DSCAM: variants seen among roughly 807,000 people sequenced by gnomAD.
DSCAM encodes DS cell adhesion molecule.
Under a neutral mutation model 217.7 loss-of-function variants are expected in DSCAM, and 47 were observed. The ratio of observed to expected loss-of-function variants is 0.22; its 90% CI spans 0.17 to 0.28. The LOEUF (loss-of-function observed/expected upper bound fraction) is 0.28. Ranked by LOEUF, DSCAM falls within the 10% of genes least tolerant of loss-of-function variation. The pLI is 1.00. For synonymous variants in DSCAM, 1,056 were observed against 1,015.3 expected (o/e 1.04, Z -0.76); for missense variants, 2,080 against 2,618.3 (o/e 0.79, Z 4.49).
At chr21:40,606,912 G>A (rs576665986) in intron 3 of DSCAM, among the ~76,000 whole-genome samples, 4 of 152,264 alleles carry the variant, frequency 2.6e-5, no homozygotes, top group South Asian at 2.1e-4. Flanking sequence ...GTTTTATAAA[G>A]GGCGAGTTTC....
chr21:40,278,263 A>G (rs2073715076), intron 10 of DSCAM, among the ~76,000 whole-genome samples: 1 of 152,242 alleles, frequency 6.6e-6, no homozygotes, highest in African/African-American at 2.4e-5. Context: ...CATGTTCATG[A>G]ATAAAAATGC....
chr21:40,179,219 A>G (rs577454948), intron 14 of DSCAM, 125 bp from the exon 15 acceptor site: 1 of 1,023,188 alleles, frequency 9.8e-7, no homozygotes, highest in Non-Finnish European at 1.4e-6. Context: ...AGACGGAAAG[A>G]AAGAAAAATT....
At chr21:40,066,326 C>T (rs540198887) in intron 27 of DSCAM, among the ~76,000 whole-genome samples, 43 of 152,324 alleles carry the variant, frequency 2.8e-4, no homozygotes, top group African/African-American at 1.0e-3. Flanking sequence ...GTAATTTTAA[C>T]CTGAAGTCAT....
chr21:40,614,236 G>A (rs565662079), intron 3 of DSCAM, among the ~76,000 whole-genome samples: 2 of 152,190 alleles, frequency 1.3e-5, no homozygotes, highest in Non-Finnish European at 2.9e-5. Context: ...ACCACCCTAA[G>A]GGTTTTTTAG....
chr21:40,504,118 A>C (rs146289775), intron 3 of DSCAM, among the ~76,000 whole-genome samples: 124 of 152,302 alleles, frequency 8.1e-4, no homozygotes, highest in African/African-American at 2.8e-3. Context: ...CAGCTCTAGA[A>C]ATGAACAGTC....
intron 3 of DSCAM, among the ~76,000 whole-genome samples, chr21:40,575,215 C>G (rs1230867644): frequency 6.6e-6 from 1 of 151,324 alleles, no homozygotes; most frequent in Non-Finnish European, 1.5e-5. Flanking sequence ...CTGTGACCCC[C>G]ACTCCGGCCC....
chr21:40,787,523 A>T (rs2091604834), intron 1 of DSCAM, among the ~76,000 whole-genome samples: 2 of 152,182 alleles, frequency 1.3e-5, no homozygotes, highest in Admixed American at 6.5e-5. Context: ...GTTATCTTGC[A>T]TTGTTTACAA....
intron 20 of DSCAM, among the ~76,000 whole-genome samples, chr21:40,108,763 C>T (rs1156804168): frequency 6.6e-6 from 1 of 152,158 alleles, no homozygotes; most frequent in African/African-American, 2.4e-5. Flanking sequence ...TACAGGGCTA[C>T]AGTAACCAAA....
At chr21:40,545,665 G>A (rs1272714978) in intron 3 of DSCAM, among the ~76,000 whole-genome samples, 1 of 152,112 alleles carries the variant, frequency 6.6e-6, no homozygotes, top group African/African-American at 2.4e-5. Context: ...AATTGTGTGA[G>A]ATGATGTGTG....
At chr21:40,168,126 C>T (rs1476384509) in intron 15 of DSCAM, among the ~76,000 whole-genome samples, 1 of 152,106 alleles carries the variant, frequency 6.6e-6, no homozygotes, top group East Asian at 1.9e-4. Flanking sequence ...CCACAGAGTG[C>T]TGAAGCAATG....
intron 11 of DSCAM, among the ~76,000 whole-genome samples, chr21:40,241,273 A>G (rs149688720): frequency 5.4e-4 from 83 of 152,362 alleles, no homozygotes; most frequent in African/African-American, 1.9e-3. Flanking sequence ...ATCTATAGGA[A>G]TGTAAACAAA....
In DSCAM at chr21:40,032,987, G is replaced by C. The variant is rs532616192; in HGVS notation, c.5686+9384C>G. On this transcript the variant is annotated intron_variant, in intron 32 of 32. Transcript: ENST00000400454. Reference sequence around the variant, plus strand: ...AGCATTGCAGAGGAGGAGGAAGAAGGCTACCCCAAACTGCTTTGGAATATC... The same window carrying C: ...AGCATTGCAGAGGAGGAGGAAGAAGCCTACCCCAAACTGCTTTGGAATATC... 3.9e-5 allele frequency among the ~76,000 whole-genome samples: 6 copies of C among 152,274 alleles called. No homozygotes were observed. The South Asian group carries it at 1.2e-3, about 32-fold the overall frequency.
intron 3 of DSCAM, among the ~76,000 whole-genome samples, chr21:40,489,832 A>G (rs1383504830): frequency 2.6e-5 from 4 of 151,568 alleles, no homozygotes; most frequent in African/African-American, 7.3e-5. Flanking sequence ...TCTCCAGAGA[A>G]CCCTAAGACA....
At chr21:40,800,637 T>C (rs1459405967) in intron 1 of DSCAM, among the ~76,000 whole-genome samples, 3 of 152,290 alleles carry the variant, frequency 2.0e-5, no homozygotes, top group South Asian at 2.1e-4. Flanking sequence ...GCCCAAGGGC[T>C]TTATGGAAGG....
At chr21:40,804,567 G>A (rs112398389) in intron 1 of DSCAM, among the ~76,000 whole-genome samples, 1 of 151,886 alleles carries the variant, frequency 6.6e-6, no homozygotes, top group African/African-American at 2.4e-5. Context: ...GAGCCCCCAC[G>A]GTTTCATTTT....
At chr21:40,723,590 T>G (rs889203721) in intron 1 of DSCAM, among the ~76,000 whole-genome samples, 1 of 152,216 alleles carries the variant, frequency 6.6e-6, no homozygotes, top group African/African-American at 2.4e-5. Flanking sequence ...TGCTGGCTAA[T>G]ACATAATAGA....
intron 1 of DSCAM, among the ~76,000 whole-genome samples, chr21:40,712,304 A>G (rs776281178): frequency 7.2e-5 from 11 of 152,040 alleles, no homozygotes; most frequent in Non-Finnish European, 1.3e-4. Flanking sequence ...TCTACTAAAA[A>G]TACAAAAAAT....
intron 1 of DSCAM, among the ~76,000 whole-genome samples, chr21:40,745,532 T>TA (rs1195158496): frequency 6.6e-6 from 1 of 152,128 alleles, no homozygotes; most frequent in Non-Finnish European, 1.5e-5. Context: ...AAGAACCTTG[T>TA]AGCCAAGAAT....
intron 10 of DSCAM, 33 bp from the exon 11 acceptor site, chr21:40,276,303 C>A: frequency 5.8e-6 from 9 of 1,557,292 alleles, no homozygotes; most frequent in Non-Finnish European, 7.8e-6. Context: ...AGCAATGATG[C>A]AAACGAGAGT....
Sources: allele counts gnomAD v4.1 joint callset (sites outside exome capture counted in the v4.1 genomes callset), GRCh38; gene constraint gnomAD v4.1.1; transcripts MANE v1.5; gene names NCBI Gene and HGNC (gene_info 2026-07-23, HGNC 2026-07-21).